The following LYRM4 variants were observed in gnomAD, a reference collection of about 807,000 sequenced individuals.
LYRM4 encodes LYR motif containing 4.
LYRM4 carries 9 observed loss-of-function variants against 11.7 expected under a neutral mutation model. The ratio of observed to expected loss-of-function variants is 0.77; its 90% confidence interval spans 0.46 to 1.34. LYRM4 has a LOEUF of 1.34. Among genes scored for constraint, LYRM4 ranks in the 40% most tolerant of loss-of-function variants. The pLI is 0.00. For synonymous variants in LYRM4, 42 were observed against 40.4 expected (o/e 1.04, Z -0.15); for missense variants, 133 against 112.5 (o/e 1.18, Z -0.82).
chr6:5,192,608 C>T (rs1760823751), intron 2 of LYRM4, among the ~76,000 whole-genome samples: 1 of 152,248 alleles, frequency 6.6e-6, no homozygotes, highest in Non-Finnish European at 1.5e-5. Flanking sequence ...GCACCATCCA[C>T]AGGGGACTGC....
chr6:5,208,903 C>T (rs372963815), intron 2 of LYRM4, among the ~76,000 whole-genome samples: 7 of 152,108 alleles, frequency 4.6e-5, no homozygotes, highest in African/African-American at 1.2e-4. Flanking sequence ...TCTTAAACTT[C>T]GACAGGGGGC....
chr6:5,068,469 CAG>C, the LYRM4 span, among the ~76,000 whole-genome samples: 8 of 152,174 alleles, frequency 5.3e-5, no homozygotes, highest in Non-Finnish European at 8.8e-5. The surrounding 1 kb of genome is among the most constrained non-coding windows in gnomAD (Gnocchi z 4.0). Context: ...AAGAGTACAA[CAG>C]TGTGATGGTC....
chr6:5,086,719 C>T, the LYRM4 span: 2 of 638,386 alleles, frequency 3.1e-6, no homozygotes, highest in Non-Finnish European at 2.7e-6. Flanking sequence ...ACCGTCGACT[C>T]GCACCCCCGC....
At chr6:5,032,523 G>T in the LYRM4 span, 2 of 152,176 alleles carry the variant, frequency 1.3e-5, no homozygotes, top group East Asian at 3.8e-4. Flanking sequence ...GGCGCAGTTT[G>T]ACTACACAGT....
chr6:5,170,011 A>C (rs1453692410), intron 2 of LYRM4, among the ~76,000 whole-genome samples: 2 of 152,234 alleles, frequency 1.3e-5, no homozygotes, highest in African/African-American at 2.4e-5. Flanking sequence ...GGGCAGGCTG[A>C]CAGAGCTGAA....
At chr6:5,133,101 G>T (rs918985013) in intron 2 of LYRM4, among the ~76,000 whole-genome samples, 2 of 152,200 alleles carry the variant, frequency 1.3e-5, no homozygotes, top group Non-Finnish European at 2.9e-5. Context: ...CAGGGTGTGT[G>T]TGCTGGGCAG....
intron 2 of LYRM4, among the ~76,000 whole-genome samples, chr6:5,130,092 G>A (rs1763880306): frequency 6.6e-6 from 1 of 152,208 alleles, no homozygotes; most frequent in Non-Finnish European, 1.5e-5. Flanking sequence ...CTAGAGAGAG[G>A]AATTCTGGAA....
At chr6:5,061,503 A>G in the LYRM4 span, among the ~76,000 whole-genome samples, 2 of 152,262 alleles carry the variant, frequency 1.3e-5, no homozygotes, top group African/African-American at 2.4e-5. Flanking sequence ...AGAGAAATGC[A>G]GAAATATTAG....
At chr6:5,050,296 A>T in the LYRM4 span, among the ~76,000 whole-genome samples, 3 of 152,248 alleles carry the variant, frequency 2.0e-5, no homozygotes, top group Non-Finnish European at 2.9e-5. Flanking sequence ...TGTGTGCCTG[A>T]GGCAGCTTGC....
intron 2 of LYRM4, among the ~76,000 whole-genome samples, chr6:5,144,877 G>A (rs539673490): frequency 2.0e-5 from 3 of 152,284 alleles, no homozygotes; most frequent in African/African-American, 7.2e-5. Flanking sequence ...GACCTCTGAG[G>A]TCTCCTTTAG....
At chr6:5,174,240 T>G (rs1398572969) in intron 2 of LYRM4, among the ~76,000 whole-genome samples, 1 of 152,178 alleles carries the variant, frequency 6.6e-6, no homozygotes, top group Non-Finnish European at 1.5e-5. Context: ...TACAACGCAT[T>G]TTGCAGTGAA....
At chr6:5,213,462 T>C (rs983128144) in intron 2 of LYRM4, among the ~76,000 whole-genome samples, 1 of 152,196 alleles carries the variant, frequency 6.6e-6, no homozygotes, top group African/African-American at 2.4e-5. Flanking sequence ...CTTTATGGCA[T>C]GCATGTCTGG....
At chr6:5,075,775 C>G in the LYRM4 span, among the ~76,000 whole-genome samples, 1 of 152,160 alleles carries the variant, frequency 6.6e-6, no homozygotes, top group Non-Finnish European at 1.5e-5. Flanking sequence ...CATAACATAA[C>G]ATTTATTCAT....
chr6:5,192,729 C>A lies in LYRM4; in HGVS notation c.207+23889G>T, dbSNP rs190903106. 1.1e-3 allele frequency among the ~76,000 whole-genome samples: 171 copies of A among 152,324 alleles called. 2 individuals are homozygous for A. The highest frequency in any genetic ancestry group is 2.6e-3 in the African/African-American group (109 of 41,592). On this transcript the variant is annotated intron_variant, in intron 2 of 2. Coordinates refer to ENST00000330636, the MANE Select transcript of LYRM4 (RefSeq NM_020408.6). ...CAACAGGCTGTGTATTCCGTTGTAT[C>A]CAAAGCACATTTAGGGCCTGGCGCG...
the LYRM4 span, among the ~76,000 whole-genome samples, chr6:5,039,085 A>C: frequency 1.2e-4 from 18 of 152,218 alleles, no homozygotes; most frequent in Admixed American, 8.5e-4. Context: ...GGAACACTGA[A>C]ATGTGGGCCC....
chr6:5,145,540 AAGGCCCTCT>A (rs1327296317), intron 2 of LYRM4, among the ~76,000 whole-genome samples: 7 of 152,210 alleles, frequency 4.6e-5, no homozygotes, highest in Non-Finnish European at 7.3e-5. Context: ...TGCCACACCT[AAGGCCCTCT>A]ACCCACCAAG....
the LYRM4 span, chr6:5,066,542 A>C: frequency 7.2e-6 from 6 of 832,988 alleles, no homozygotes; most frequent in African/African-American, 6.7e-5. Context: ...AGTCACAGTG[A>C]ATCACTTGTA....
At chr6:5,142,300 G>A (rs937500901) in intron 2 of LYRM4, among the ~76,000 whole-genome samples, 1 of 152,138 alleles carries the variant, frequency 6.6e-6, no homozygotes, top group Non-Finnish European at 1.5e-5. Flanking sequence ...CCAGGTTACA[G>A]TGAGGCCATA....
chr6:5,047,061 C>A, the LYRM4 span, among the ~76,000 whole-genome samples: 1 of 152,132 alleles, frequency 6.6e-6, no homozygotes, highest in African/African-American at 2.4e-5. Context: ...CACTGCACTC[C>A]AGTCTGGGTG....
Sources: allele counts gnomAD v4.1 joint callset (sites outside exome capture counted in the v4.1 genomes callset), GRCh38; gene constraint gnomAD v4.1.1; non-coding constraint Gnocchi (gnomAD v3.1); transcripts MANE v1.5; gene names NCBI Gene and HGNC (gene_info 2026-07-23, HGNC 2026-07-21).